The following MYPN variants were observed in gnomAD, a reference collection of about 807,000 sequenced individuals.
MYPN encodes the protein myopalladin.
Under a neutral mutation model 129.4 loss-of-function variants are expected in MYPN, and 63 were observed. The observed-to-expected ratio is 0.49, with a 90% confidence interval of 0.40 to 0.60. The LOEUF (loss-of-function observed/expected upper bound fraction) is 0.60, where lower values mean the gene tolerates loss of function less well. MYPN is among the 20% of genes least tolerant of loss of function. The pLI is 0.00. For missense variants in MYPN, 1,596 were observed against 1,635.4 expected (o/e 0.98, Z 0.42); for synonymous variants, 629 against 600.9 (o/e 1.05, Z -0.68).
At chr10:68,152,021 T>A (rs2042779158) in intron 6 of MYPN, among the ~76,000 whole-genome samples, 1 of 152,120 alleles carries the variant, frequency 6.6e-6, no homozygotes, top group Non-Finnish European at 1.5e-5. Flanking sequence ...ACATGTAAGA[T>A]GTACATTGAT....
chr10:68,089,340 G>C (rs543753687), intron 1 of MYPN, among the ~76,000 whole-genome samples: 2 of 151,388 alleles, frequency 1.3e-5, no homozygotes, highest in South Asian at 4.2e-4. Flanking sequence ...CCTGTTTTTT[G>C]TTTATTTGTT....
chr10:68,147,646 A>G (rs1459394262), intron 4 of MYPN, among the ~76,000 whole-genome samples: 1 of 152,160 alleles, frequency 6.6e-6, no homozygotes, highest in East Asian at 1.9e-4. Context: ...AATTACTGAT[A>G]TCTTTAACAA....
chr10:68,120,422 A>G (rs1226892269), intron 1 of MYPN, among the ~76,000 whole-genome samples: 1 of 152,224 alleles, frequency 6.6e-6, no homozygotes, highest in Non-Finnish European at 1.5e-5. Context: ...CCTGCCAAGC[A>G]TCATATTCCA....
At chr10:68,103,031 T>G (rs1014447653), upstream of MYPN, among the ~76,000 whole-genome samples, 2 of 152,222 alleles carry the variant, frequency 1.3e-5, no homozygotes, top group African/African-American at 4.8e-5. Flanking sequence ...TTTGATTAAT[T>G]CATTCTTAGT....
rs768400415 is a variant in MYPN, at chr10:68,201,899, C to G, written c.3564C>G (p.Pro1188=). The G allele has an allele frequency of 6.2e-6, 10 of 1,614,162 alleles. No individual in the cohort carries two copies. Among genetic ancestry groups the G allele is most frequent in the Non-Finnish European group, 6.8e-6 (8 of 1,180,028 alleles). The part of the protein sequence containing the change: ...LQNCGVPEGH[P]VRLECRVIGM... ...ACTGCGGTGTTCCCGAAGGCCACCCCGTGAGACTGGAGTGCCGCGTGATAG... is the reference window on the plus strand; with the variant it reads ...ACTGCGGTGTTCCCGAAGGCCACCCGGTGAGACTGGAGTGCCGCGTGATAG... The change falls in exon 18 of 20, where the codon CCC becomes CCG. Residue 1188 remains proline (P), a synonymous_variant. Coordinates refer to ENST00000358913, the MANE Select transcript of MYPN (RefSeq NM_032578.4).
intron 18 of MYPN, 27 bp downstream of exon 18, chr10:68,202,021 A>T (rs772672811): frequency 6.2e-7 from 1 of 1,613,310 alleles, no homozygotes; most frequent in Non-Finnish European, 8.5e-7. Flanking sequence ...ATCCAGAGGG[A>T]CTCCCACTCT....
chr10:68,166,432 G>GGGTTCT lies in MYPN; in HGVS notation c.1743_1748dup (p.Leu582_Val583dup). The GGGTTCT allele has an allele frequency of 6.2e-7, 1 of 1,614,022 alleles. No homozygotes were observed. On this transcript the variant is annotated inframe_insertion, in exon 10 of 20. Coordinates refer to ENST00000358913, the MANE Select transcript of MYPN (RefSeq NM_032578.4). ...CAACCCCCCAAACCCAAACTCGAGG[G>GGGTTCT]GGTTCTGGTGAACCACAATGAGCCC... is the stretch of plus-strand genomic sequence containing the variant.
At chr10:68,199,641 C>T in intron 17 of MYPN, 66 bp downstream of exon 17, 1 of 1,471,452 alleles carries the variant, frequency 6.8e-7, no homozygotes, top group Non-Finnish European at 9.5e-7. Flanking sequence ...AGAGGCAGAG[C>T]CTCTGCCAGA....
chr10:68,096,916 C>T (rs117162130), intron 1 of MYPN, among the ~76,000 whole-genome samples: 5,610 of 152,212 alleles, frequency 0.037, 146 homozygotes, highest in Middle Eastern at 0.099. Context: ...TATATCAATA[C>T]GCTCAATTAT....
intron 3 of MYPN, among the ~76,000 whole-genome samples, chr10:68,144,413 T>A (rs972111426): frequency 3.3e-5 from 5 of 152,236 alleles, no homozygotes; most frequent in Non-Finnish European, 5.9e-5. Flanking sequence ...TATGTACTTG[T>A]ACTAGGTACT....
chr10:68,117,515 C>T (rs2042175611), intron 1 of MYPN, among the ~76,000 whole-genome samples: 1 of 152,012 alleles, frequency 6.6e-6, no homozygotes, highest in African/African-American at 2.4e-5. Context: ...CAGCTAGGAA[C>T]CAAAGACCAT....
At position 68,210,597 on chromosome 10, in the gene MYPN, C is replaced by A; in HGVS notation, c.*142C>A. 1 of 944,644 alleles carries A rather than the reference C, an allele frequency of 1.1e-6. No homozygotes were observed. Among genetic ancestry groups the A allele is most frequent in the Non-Finnish European group, 1.7e-6 (1 of 592,456 alleles). The allele number at this position is 944,644 out of a possible 1,614,324, so 58.5% of individuals were successfully genotyped here. ...GTGGCAAAGAGTGCTTTGAATAAGTCAGCTAGGGATTCTTGCAGTCTCAGC... is the reference window on the plus strand; with the variant it reads ...GTGGCAAAGAGTGCTTTGAATAAGTAAGCTAGGGATTCTTGCAGTCTCAGC... On this transcript the variant is annotated 3_prime_UTR_variant, in exon 20 of 20. Transcript: ENST00000358913.
At chr10:68,096,142 C>G (rs1564636456) in intron 1 of MYPN, among the ~76,000 whole-genome samples, 2 of 152,256 alleles carry the variant, frequency 1.3e-5, no homozygotes, top group East Asian at 3.9e-4. Context: ...TCATGTCATC[C>G]TATTTATGGG....
At chr10:68,153,274 G>A (rs1367493689) in intron 6 of MYPN, among the ~76,000 whole-genome samples, 2 of 152,006 alleles carry the variant, frequency 1.3e-5, no homozygotes, top group African/African-American at 4.8e-5. Flanking sequence ...CGTGAGCCAC[G>A]GTGCCCAGCC....
intron 10 of MYPN, among the ~76,000 whole-genome samples, chr10:68,173,617 T>G (rs2043176886): frequency 6.8e-6 from 1 of 146,374 alleles, no homozygotes. Flanking sequence ...TTTATTTATT[T>G]ATTGAGATGA....
intron 13 of MYPN, among the ~76,000 whole-genome samples, chr10:68,190,186 CTT>C (rs34191524): frequency 4.3e-4 from 63 of 146,082 alleles, no homozygotes; most frequent in African/African-American, 1.5e-3. Context: ...CTATTCAGGT[CTT>C]TTTTGTGTGT....
At chr10:68,089,521 A>G (rs550555605) in intron 1 of MYPN, among the ~76,000 whole-genome samples, 7 of 151,208 alleles carry the variant, frequency 4.6e-5, no homozygotes, top group African/African-American at 1.5e-4. Flanking sequence ...TTGTTTTTGT[A>G]TTTTTAGTAG....
intron 15 of MYPN, among the ~76,000 whole-genome samples, 153 bp downstream of exon 15, chr10:68,195,685 A>C (rs1006611623): frequency 6.6e-6 from 1 of 152,172 alleles, no homozygotes; most frequent in African/African-American, 2.4e-5. Flanking sequence ...GAAATGCAGA[A>C]TCCCAGGCCC....
intron 2 of MYPN, among the ~76,000 whole-genome samples, chr10:68,126,188 G>A (rs1047216067): frequency 6.6e-6 from 1 of 152,134 alleles, no homozygotes; most frequent in South Asian, 2.1e-4. Context: ...TTAGAGATAA[G>A]GTTGAAGAGG....
Sources: allele counts gnomAD v4.1 joint callset (sites outside exome capture counted in the v4.1 genomes callset), GRCh38; gene constraint gnomAD v4.1.1; transcripts MANE v1.5; gene names NCBI Gene and HGNC (gene_info 2026-07-23, HGNC 2026-07-21).